Variants in RAB3C observed in about 807,000 individuals in gnomAD.
The protein encoded by RAB3C is RAB3C, member RAS oncogene family, also known as ras-related protein Rab-3C.
A neutral mutation model predicts 26.4 loss-of-function variants in RAB3C; 17 were observed. The observed-to-expected ratio is 0.64, with a 90% CI of 0.44 to 0.97. The LOEUF is 0.97. Among genes scored for constraint, RAB3C ranks in the 50% least tolerant of loss-of-function variants. The pLI, the probability that RAB3C is intolerant of heterozygous loss-of-function variation, is 0.00. For synonymous variants in RAB3C, 91 were observed against 95.9 expected, an observed-to-expected ratio of 0.95 and a Z score of 0.30; for missense variants, 242 against 281.9, an observed-to-expected ratio of 0.86 and a Z score of 1.01.
chr5:58,826,411 G>T (rs754290453), intron 4 of RAB3C, among the ~76,000 whole-genome samples: 2 of 152,152 alleles, frequency 1.3e-5, no homozygotes, highest in African/African-American at 4.8e-5. Flanking sequence ...CTAGCAGAAA[G>T]TTGCAGAACT....
intron 3 of RAB3C, among the ~76,000 whole-genome samples, chr5:58,818,027 G>A (rs989454107): frequency 2.0e-5 from 3 of 152,192 alleles, no homozygotes; most frequent in African/African-American, 7.2e-5. Context: ...CGCTGGGTGA[G>A]GAAGAGTGAG....
At chr5:58,638,554 A>T (rs150547988) in intron 2 of RAB3C, among the ~76,000 whole-genome samples, 75 of 152,290 alleles carry the variant, frequency 4.9e-4, no homozygotes, top group African/African-American at 1.7e-3. Context: ...AGTCCGTGTT[A>T]TTTTATAATT....
chr5:58,797,391 A>ATATG, intron 3 of RAB3C, among the ~76,000 whole-genome samples: 1 of 138,770 alleles, frequency 7.2e-6, no homozygotes, highest in Non-Finnish European at 1.5e-5. Context: ...ATATATATAT[A>ATATG]TATATACACA....
In RAB3C at chr5:58,845,612, A is replaced by ATATGTGTGTGTG; in HGVS notation, c.497-5551_497-5550insATGTGTGTGTGT. Among the ~76,000 whole-genome samples the ATATGTGTGTGTG allele has an allele frequency of 2.3e-4, 19 of 81,722 alleles. 1 individual carries two copies. The highest frequency in any genetic ancestry group is 9.9e-4 in the African/African-American group (17 of 17,210). The allele number at this position is 81,722 out of a possible 152,430, so 53.6% of individuals were successfully genotyped here. On this transcript the variant is annotated intron_variant, in intron 4 of 4. Transcript: ENST00000282878. ...ATTCTTACTATATATATATATATAT[A>ATATGTGTGTGTG]TGTGTGTGTGTGTGTGTGTATATGT...
chr5:58,726,863 G>A (rs575729202), intron 3 of RAB3C, among the ~76,000 whole-genome samples: 1 of 151,930 alleles, frequency 6.6e-6, no homozygotes, highest in African/African-American at 2.4e-5. Context: ...AGCACCTTGA[G>A]AGCAGACACT....
chr5:58,680,930 C>T (rs1450742821), intron 2 of RAB3C, among the ~76,000 whole-genome samples: 2 of 152,172 alleles, frequency 1.3e-5, no homozygotes, highest in Non-Finnish European at 2.9e-5. Context: ...ATTCAGCCCA[C>T]CACATCCCCC....
chr5:58,654,533 A>G (rs563384281), intron 2 of RAB3C, among the ~76,000 whole-genome samples: 1 of 152,316 alleles, frequency 6.6e-6, no homozygotes, highest in South Asian at 2.1e-4. Context: ...ATAATTACTT[A>G]TATAATTACT....
At chr5:58,732,871 C>T (rs764758592) in intron 3 of RAB3C, among the ~76,000 whole-genome samples, 8 of 152,176 alleles carry the variant, frequency 5.3e-5, no homozygotes, top group Non-Finnish European at 7.4e-5. Context: ...CCTTGAACTT[C>T]TCATACCTCT....
At chr5:58,595,944 C>T (rs1419633597) in intron 1 of RAB3C, among the ~76,000 whole-genome samples, 2 of 152,086 alleles carry the variant, frequency 1.3e-5, no homozygotes, top group Non-Finnish European at 2.9e-5. Flanking sequence ...GTGTGAATGT[C>T]AAGAATGTTT....
At chr5:58,662,494 A>G (rs1304578693) in intron 2 of RAB3C, among the ~76,000 whole-genome samples, 1 of 150,286 alleles carries the variant, frequency 6.7e-6, no homozygotes, top group African/African-American at 2.5e-5. Context: ...ATTAAACACC[A>G]AGCCAAGTAT....
intron 3 of RAB3C, among the ~76,000 whole-genome samples, chr5:58,755,612 G>T (rs1190846530): frequency 6.6e-6 from 1 of 152,182 alleles, no homozygotes; most frequent in Non-Finnish European, 1.5e-5. Context: ...ACTGGAGGAG[G>T]GGAATGGCTG....
chr5:58,728,378 C>T (rs1037380635), intron 3 of RAB3C, among the ~76,000 whole-genome samples: 8 of 152,030 alleles, frequency 5.3e-5, no homozygotes, highest in African/African-American at 1.7e-4. Context: ...CAAGTCCAAT[C>T]ATTTTGACTT....
intron 1 of RAB3C, among the ~76,000 whole-genome samples, chr5:58,610,402 T>C (rs1746673889): frequency 6.6e-6 from 1 of 152,052 alleles, no homozygotes; most frequent in Admixed American, 6.6e-5. Context: ...TTGCCAGCAA[T>C]TGTTGTCAGG....
intron 1 of RAB3C, among the ~76,000 whole-genome samples, chr5:58,593,479 T>G (rs6896790): frequency 6.6e-6 from 1 of 151,944 alleles, no homozygotes; most frequent in African/African-American, 2.4e-5. Context: ...AAAATACTTA[T>G]GTTTACATTT....
intron 4 of RAB3C, among the ~76,000 whole-genome samples, chr5:58,841,134 C>A (rs763974253): frequency 6.6e-6 from 1 of 152,158 alleles, no homozygotes; most frequent in African/African-American, 2.4e-5. Flanking sequence ...CACTGCAGGG[C>A]TATTTCTCAG....
Position 58,736,574 on chromosome 5 carries a change from C to T in RAB3C, c.371+10454C>T, listed in dbSNP as rs144700698. Among the ~76,000 whole-genome samples, 5 of 152,260 alleles carry T rather than the reference C, an allele frequency of 3.3e-5. No homozygotes were observed. In the South Asian group the frequency reaches 6.2e-4, roughly 19 times the overall value. On this transcript the variant is annotated intron_variant, in intron 3 of 4. Coordinates refer to ENST00000282878, the MANE Select transcript of RAB3C (RefSeq NM_138453.4). ...CTTGCTCTCAAATTCTTTTGTGTGG[C>T]GAAGTCAAGAACATGAACCAGTGCA...
intron 2 of RAB3C, among the ~76,000 whole-genome samples, chr5:58,635,083 T>G (rs1398709793): frequency 1.3e-5 from 2 of 152,154 alleles, no homozygotes; most frequent in Non-Finnish European, 2.9e-5. Flanking sequence ...CTCAAAGAGG[T>G]GACAAGAATA....
At chr5:58,723,655 C>A (rs1330215980) in intron 2 of RAB3C, among the ~76,000 whole-genome samples, 1 of 151,750 alleles carries the variant, frequency 6.6e-6, no homozygotes, top group Non-Finnish European at 1.5e-5. Context: ...TCAACATGAG[C>A]CCTTCCCAAT....
intron 3 of RAB3C, among the ~76,000 whole-genome samples, chr5:58,779,282 T>C (rs2111999213): frequency 6.6e-6 from 1 of 151,506 alleles, no homozygotes; most frequent in East Asian, 1.9e-4. Context: ...AAGGAACTTG[T>C]AGACTTTTCA....
Sources: allele counts gnomAD v4.1 joint callset (sites outside exome capture counted in the v4.1 genomes callset), GRCh38; gene constraint gnomAD v4.1.1; transcripts MANE v1.5; gene names NCBI Gene and HGNC (gene_info 2026-07-23, HGNC 2026-07-21).